Variants in MCMBP observed in about 807,000 individuals in gnomAD.
MCMBP encodes the protein minichromosome maintenance complex binding protein.
Under a neutral mutation model 81.3 loss-of-function variants are expected in MCMBP, and 31 were observed. The observed-to-expected ratio is 0.38, with a 90% CI of 0.29 to 0.51. MCMBP has a LOEUF of 0.51. MCMBP is among the 20% of genes least tolerant of loss of function. The pLI is 0.87. For synonymous variants in MCMBP, 267 were observed against 275.9 expected, an observed-to-expected ratio of 0.97 and a Z score of 0.32; for missense variants, 645 against 772.1, an observed-to-expected ratio of 0.84 and a Z score of 1.95.
At chr10:119,836,198 T>C (rs1473447115) in intron 13 of MCMBP, among the ~76,000 whole-genome samples, 1 of 152,348 alleles carries the variant, frequency 6.6e-6, no homozygotes, top group Non-Finnish European at 1.5e-5. Context: ...ATGAAAGCTT[T>C]TTCTTGGTTA....
rs767612513 is a variant in MCMBP, at chr10:119,843,441, TAA to T, written c.828-17_828-16del. 1.1e-4 allele frequency: 170 copies of T among 1,605,642 alleles called. No homozygotes were observed. In the African/African-American group the frequency reaches 2.0e-3, roughly 19 times the overall value. Reference sequence around the variant, plus strand: ...CAGAGGCATCCCTGTGGAGAGGTGATAAAGTTTCAATTTAGAGAGACATCAAT... The same window carrying T: ...CAGAGGCATCCCTGTGGAGAGGTGATAGTTTCAATTTAGAGAGACATCAAT... On this transcript the variant is annotated splice_polypyrimidine_tract_variant and intron_variant, in intron 8 of 15. Coordinates refer to ENST00000369077, the MANE Select transcript of MCMBP (RefSeq NM_001256378.2).
chr10:119,863,660 C>T lies in MCMBP; in HGVS notation c.59-3776G>A, dbSNP rs142717050. 1.1e-3 allele frequency among the ~76,000 whole-genome samples: 132 copies of T among 123,182 alleles called. 1 individual carries two copies. The highest frequency in any genetic ancestry group is 3.8e-3 in the African/African-American group (121 of 32,188). The allele number at this position is 123,182 out of a possible 152,430, so 80.8% of individuals were successfully genotyped here. On this transcript the variant is annotated intron_variant, in intron 1 of 15. Transcript: ENST00000369077. ...AGGAGAATTGCTTGAACCCAGGAGG[C>T]GGAGGTTTCAGTGAGCTGAGATCGC...
intron 6 of MCMBP, among the ~76,000 whole-genome samples, chr10:119,851,012 A>G (rs1015160670): frequency 1.4e-4 from 21 of 150,838 alleles, no homozygotes; most frequent in African/African-American, 5.1e-4. Context: ...AGCTGGGATT[A>G]CAGGCGTGCA....
At chr10:119,849,697 T>C (rs989122784) in intron 6 of MCMBP, 121 bp from the exon 7 acceptor site, 1 of 858,974 alleles carries the variant, frequency 1.2e-6, no homozygotes, top group East Asian at 3.0e-5. Context: ...AAAGTTCAAG[T>C]TGTTACAGTT....
chr10:119,858,825 T>C, intron 4 of MCMBP, 59 bp downstream of exon 4: 3 of 1,225,434 alleles, frequency 2.4e-6, no homozygotes, highest in South Asian at 2.8e-5. Context: ...GCTAAACAAA[T>C]TCTCTGTTTA....
chr10:119,871,922 T>G (rs1222637612), intron 1 of MCMBP, among the ~76,000 whole-genome samples: 1 of 152,226 alleles, frequency 6.6e-6, no homozygotes, highest in Non-Finnish European at 1.5e-5. Flanking sequence ...AGCTCAATAT[T>G]TCTTGCTGGC....
chr10:119,850,874 G>GGTTTTTTTTTTTTTTTTTTTTTTT (rs1554903394), intron 6 of MCMBP, among the ~76,000 whole-genome samples: 1 of 130,552 alleles, frequency 7.7e-6, no homozygotes, highest in Non-Finnish European at 1.6e-5. Context: ...TACAAGATCT[G>GGTTTTTTTTTTTTTTTTTTTTTTT]TTTTTTTTTT....
At chr10:119,849,681 G>T in intron 6 of MCMBP, 105 bp from the exon 7 acceptor site, 1 of 1,051,096 alleles carries the variant, frequency 9.5e-7, no homozygotes, top group Non-Finnish European at 1.3e-6. Context: ...ATGCTTCTGA[G>T]CTTGCAAAGT....
rs1490863003 is a variant in MCMBP, at chr10:119,872,522, C to G, written c.58+5G>C. 1 of 1,195,678 alleles carries G rather than the reference C, an allele frequency of 8.4e-7. No homozygotes were observed. The highest frequency in any genetic ancestry group is 1.0e-6 in the Non-Finnish European group (1 of 958,246). 74.1% of individuals were successfully genotyped at this position (1,195,678 alleles called of 1,614,324 possible). On this transcript the variant is annotated splice_donor_5th_base_variant and intron_variant, in intron 1 of 15. Transcript: ENST00000369077. ...CCCGGCCCGCCCCCCGGCGCCGCCA[C>G]TCACCGAAGAATCCCTGCACGATTC...
chr10:119,832,996 T>C (rs989719099), intron 14 of MCMBP, among the ~76,000 whole-genome samples: 1 of 152,204 alleles, frequency 6.6e-6, no homozygotes, highest in Admixed American at 6.5e-5. Flanking sequence ...CTGCATGACC[T>C]GGAGGCTCTG....
chr10:119,847,968 A>C lies in MCMBP; in HGVS notation c.727-255T>G, dbSNP rs80316658. On this transcript the variant is annotated intron_variant, in intron 7 of 15. Transcript: ENST00000369077. ...TATACCACAGTACTACAAAAAAAAA[A>C]GGCTTTTCCTAAAATTAAAAAAAGC... Among the ~76,000 whole-genome samples, 3 of 152,028 alleles carry C rather than the reference A, an allele frequency of 2.0e-5. No homozygotes were observed. In the South Asian group the frequency reaches 6.2e-4, roughly 32 times the overall value.
At chr10:119,846,112 G>C (rs987671537) in intron 8 of MCMBP, among the ~76,000 whole-genome samples, 2 of 152,112 alleles carry the variant, frequency 1.3e-5, no homozygotes, top group African/African-American at 4.8e-5. Flanking sequence ...AGCACATCTA[G>C]GACTCAGATC....
At chr10:119,864,662 A>G (rs932577660) in intron 1 of MCMBP, among the ~76,000 whole-genome samples, 1 of 129,142 alleles carries the variant, frequency 7.7e-6, no homozygotes, top group African/African-American at 3.0e-5. Context: ...TTTGTTCTCT[A>G]TTATTTCTTT....
chr10:119,868,173 T>G (rs1370720272), intron 1 of MCMBP, among the ~76,000 whole-genome samples: 4 of 152,180 alleles, frequency 2.6e-5, no homozygotes, highest in Non-Finnish European at 5.9e-5. Flanking sequence ...ACCTGAGATC[T>G]CAGCACTCTG....
intron 8 of MCMBP, among the ~76,000 whole-genome samples, chr10:119,846,913 GA>G (rs879520650): frequency 4.7e-4 from 67 of 143,932 alleles, no homozygotes; most frequent in African/African-American, 1.2e-3. Flanking sequence ...GTTGTTTAAG[GA>G]AAAAAAAAAA....
At position 119,849,554 on chromosome 10, in the gene MCMBP, C is replaced by A; in HGVS notation, c.597G>T (p.Trp199Cys). ...TTTCTAAACGTTTTGGCTCTCCACA[C>A]CATTGAAGACCACCAACACTCCCTA... ...RQAGSVGGLQ[W>C]CGEPKRLETE... The change falls in exon 7 of 16, where the codon TGG becomes TGT. Residue 199 changes from tryptophan to cysteine, a missense_variant. By Grantham distance (215) the Trp-to-Cys change is radical. Transcript: ENST00000369077. 3.8e-6 allele frequency: 6 copies of A among 1,595,066 alleles called. No individual in the cohort carries two copies. Among genetic ancestry groups the A allele is most frequent in the Non-Finnish European group, 5.1e-6 (6 of 1,174,588 alleles).
chr10:119,860,246 T>C (rs1049194627), intron 1 of MCMBP, among the ~76,000 whole-genome samples: 1 of 152,218 alleles, frequency 6.6e-6, no homozygotes, highest in Non-Finnish European at 1.5e-5. Flanking sequence ...GTTCTTTCAA[T>C]ACATTTTTAT....
intron 7 of MCMBP, among the ~76,000 whole-genome samples, chr10:119,848,289 G>A (rs1422585649): frequency 1.3e-5 from 2 of 152,072 alleles, no homozygotes; most frequent in Admixed American, 6.6e-5. Flanking sequence ...TGGTCCCTGT[G>A]CCATATGACT....
In MCMBP at chr10:119,842,493, A is replaced by G. The variant is rs781766357; in HGVS notation, c.1103T>C (p.Ile368Thr). 4 of 1,613,580 alleles carry G rather than the reference A, an allele frequency of 2.5e-6. No individual in the cohort carries two copies. The highest frequency in any genetic ancestry group is 2.2e-5 in the East Asian group (1 of 44,872). ...LGDSLAAEYL[I>T]LHLISTVYTR... is the part of the protein sequence containing the mutation. ...TTACACTGTGGAGATGAGATGTAAT[A>G]TAAGGTATTCAGCAGCCAAACTATC... The change falls in exon 10 of 16, where the codon ATA becomes ACA. Residue 368 changes from isoleucine (I) to threonine (T), a missense_variant. Transcript: ENST00000369077.
Sources: gnomAD v4.1 joint callset for allele counts (sites outside exome capture counted in the v4.1 genomes callset) on GRCh38, gnomAD v4.1.1 for gene constraint, MANE v1.5 for transcripts, NCBI Gene and HGNC (gene_info 2026-07-23, HGNC 2026-07-21) for gene names.